The following HIF1A variants were observed in gnomAD, a reference collection of about 807,000 sequenced individuals.
The protein encoded by HIF1A is hypoxia inducible factor 1 subunit alpha, also known as hypoxia-inducible factor 1-alpha.
A neutral mutation model predicts 92.7 loss-of-function variants in HIF1A; 24 were observed. That is an observed-to-expected ratio of 0.26 (90% CI 0.19 to 0.36). The LOEUF (loss-of-function observed/expected upper bound fraction) is 0.36. Among genes scored for constraint, HIF1A ranks in the 10% least tolerant of loss-of-function variants. HIF1A has a pLI of 1.00. For synonymous variants in HIF1A, 319 were observed against 338.7 expected, an observed-to-expected ratio of 0.94 and a Z score of 0.64; for missense variants, 799 against 998.5, an observed-to-expected ratio of 0.80 and a Z score of 2.69.
At chr14:61,715,265 A>G (rs2044351271) in intron 1 of HIF1A, among the ~76,000 whole-genome samples, 1 of 152,194 alleles carries the variant, frequency 6.6e-6, no homozygotes, top group Non-Finnish European at 1.5e-5. Context: ...ATCTATTACC[A>G]TTGTAGGTGC....
At chr14:61,720,301 A>C (rs1189376454) in intron 1 of HIF1A, 81 bp from the exon 2 acceptor site, 1 of 956,322 alleles carries the variant, frequency 1.0e-6, no homozygotes, top group Non-Finnish European at 1.6e-6. Flanking sequence ...GATAAGCAGA[A>C]ATGTAAAGTT....
In HIF1A at chr14:61,741,026, C is replaced by T. The variant is rs1178858567; in HGVS notation, c.1931C>T (p.Pro644Leu). Residue 644 changes from proline to leucine, a missense_variant, in exon 12 of 15, where the codon CCT becomes CTT. By Grantham distance (98) the Pro-to-Leu change is moderately conservative. Transcript: ENST00000337138. ...AAAATATTGATTGCATCTCCATCTC[C>T]TACCCACATACATAAAGAAACTACT... is the stretch of plus-strand genomic sequence containing the variant. ...DIKILIASPSPTHIHKETTSA... is the reference protein window; with the variant it reads ...DIKILIASPSLTHIHKETTSA... The T allele has an allele frequency of 3.1e-6, 5 of 1,614,122 alleles. No individual in the cohort carries two copies. In the South Asian group the frequency reaches 4.4e-5, roughly 14 times the overall value.
At chr14:61,741,293 T>C (rs1244158321) in intron 12 of HIF1A, 105 bp downstream of exon 12, 6 of 698,934 alleles carry the variant, frequency 8.6e-6, no homozygotes, top group South Asian at 2.2e-5. Flanking sequence ...CTGATATATA[T>C]GCCCTAACGC....
At chr14:61,730,772 G>A (rs2140146115) in intron 6 of HIF1A, among the ~76,000 whole-genome samples, 2 of 152,242 alleles carry the variant, frequency 1.3e-5, no homozygotes, top group South Asian at 4.1e-4. Context: ...GCATTTTCAT[G>A]CCTAGAATAA....
intron 1 of HIF1A, among the ~76,000 whole-genome samples, chr14:61,716,628 C>G (rs1272186755): frequency 2.0e-5 from 3 of 152,046 alleles, no homozygotes; most frequent in Non-Finnish European, 2.9e-5. Flanking sequence ...TGACCTACTA[C>G]AAAGCACTAA....
chr14:61,697,874 G>T, intron 1 of HIF1A: 1 of 1,517,444 alleles, frequency 6.6e-7, no homozygotes, highest in Admixed American at 2.1e-5. Context: ...GTCGGAGTTT[G>T]GAAAACAAAT....
intron 1 of HIF1A, among the ~76,000 whole-genome samples, chr14:61,719,105 AAGG>A (rs749335366): frequency 2.0e-5 from 3 of 152,166 alleles, no homozygotes; most frequent in East Asian, 1.9e-4. Context: ...GATCATTTGG[AAGG>A]AGGAGAGATT....
chr14:61,712,279 GTTTGAAGTGTTT>G (rs1291763043), intron 1 of HIF1A, among the ~76,000 whole-genome samples: 2 of 152,024 alleles, frequency 1.3e-5, no homozygotes, highest in Non-Finnish European at 2.9e-5. Flanking sequence ...GAGGCAATGT[GTTTGAAGTGTTT>G]TAAGAACAGT....
At chr14:61,729,767 C>T (rs2044552528) in intron 6 of HIF1A, among the ~76,000 whole-genome samples, 1 of 152,010 alleles carries the variant, frequency 6.6e-6, no homozygotes, top group Non-Finnish European at 1.5e-5. Flanking sequence ...AAGGGAGTGA[C>T]ATTCCCCTCT....
In HIF1A at chr14:61,741,013, G is replaced by C. The variant is rs200756402; in HGVS notation, c.1918G>C (p.Ala640Pro). Residue 640 changes from alanine to proline, a missense_variant, in exon 12 of 15, where the codon GCA (alanine) becomes CCA (proline). Physicochemically the swap from Ala to Pro is conservative, Grantham distance 27 (BLOSUM62 -1). Coordinates refer to ENST00000337138, the MANE Select transcript of HIF1A (RefSeq NM_001530.4). ...TATGGAAGACATTAAAATATTGATTGCATCTCCATCTCCTACCCACATACA... is the reference window on the plus strand; with the variant it reads ...TATGGAAGACATTAAAATATTGATTCCATCTCCATCTCCTACCCACATACA... The part of the protein sequence containing the change: ...DRMEDIKILI[A>P]SPSPTHIHKE... 311 of 1,613,930 alleles carry C rather than the reference G, an allele frequency of 1.9e-4. No homozygotes were observed. The highest frequency in any genetic ancestry group is 2.5e-4 in the Non-Finnish European group (292 of 1,179,938).
intron 9 of HIF1A, among the ~76,000 whole-genome samples, chr14:61,737,828 A>G (rs1594884120): frequency 6.6e-6 from 1 of 152,090 alleles, no homozygotes; most frequent in Non-Finnish European, 1.5e-5. Context: ...GGAGTTCGAG[A>G]CCAGCCTGGC....
intron 1 of HIF1A, among the ~76,000 whole-genome samples, chr14:61,719,375 G>C (rs1258587093): frequency 6.6e-6 from 1 of 152,120 alleles, no homozygotes; most frequent in Non-Finnish European, 1.5e-5. Flanking sequence ...TAAAACACCT[G>C]GGTTCAAATC....
chr14:61,696,443 G>A (rs2044117463), intron 1 of HIF1A, among the ~76,000 whole-genome samples: 1 of 152,224 alleles, frequency 6.6e-6, no homozygotes, highest in Admixed American at 6.5e-5. Flanking sequence ...TGTGCATTAG[G>A]GATTTGCCGC....
At chr14:61,696,782 CTG>C (rs746877370) in intron 1 of HIF1A, among the ~76,000 whole-genome samples, 10 of 152,272 alleles carry the variant, frequency 6.6e-5, no homozygotes, top group Middle Eastern at 3.4e-3. Flanking sequence ...TTTTCGAACT[CTG>C]TCTCATTTTC....
intron 1 of HIF1A, among the ~76,000 whole-genome samples, chr14:61,704,838 G>C (rs1235705065): frequency 1.3e-5 from 2 of 152,160 alleles, no homozygotes; most frequent in African/African-American, 4.8e-5. Context: ...TTGAATCGTT[G>C]ATGGCTTAGG....
chr14:61,737,193 G>A lies in HIF1A; in HGVS notation c.1249+84G>A, dbSNP rs370152051. On this transcript the variant is annotated intron_variant, in intron 9 of 14. Transcript: ENST00000337138. ...AACTAAACATTACTTTACGGTTTTT[G>A]TTGGTAATCATTTGGACATTACAAG... 2.1e-5 allele frequency: 19 copies of A among 912,950 alleles called. No individual in the cohort carries two copies. The East Asian group carries it at 4.0e-4, about 19-fold the overall frequency. The allele number at this position is 912,950 out of a possible 1,614,324, so 56.6% of individuals were successfully genotyped here. A position where few individuals can be genotyped will look rare whatever the true frequency, so the allele number is the denominator to read the frequency against.
At position 61,726,838 on chromosome 14, in the gene HIF1A, G is replaced by A; in HGVS notation, c.570+20G>A. ...TGGAAGGTAAGTGAAAATTATTTGT[G>A]ATTGATTATACACTTTATTTATACA... On this transcript the variant is annotated intron_variant, in intron 5 of 14. Transcript: ENST00000337138. The A allele has an allele frequency of 1.5e-6, 2 of 1,349,074 alleles. No individual in the cohort carries two copies. Among genetic ancestry groups the A allele is most frequent in the Non-Finnish European group, 2.1e-6 (2 of 951,574 alleles). The allele number at this position is 1,349,074 out of a possible 1,614,324, so 83.6% of individuals were successfully genotyped here. A position where few individuals can be genotyped will look rare whatever the true frequency, so the allele number is the denominator to read the frequency against.
Position 61,721,538 on chromosome 14 carries a change from G to A in HIF1A, c.256G>A (p.Ala86Thr), listed in dbSNP as rs755629700. 6.2e-7 allele frequency: 1 copy of A among 1,613,162 alleles called. No homozygotes were observed. The highest frequency in any genetic ancestry group is 1.7e-5 in the Admixed American group (1 of 59,998). Reference sequence around the variant, plus strand: ...TTTGGATATTGAAGATGACATGAAAGCACAGATGAATTGCTTTTATTTGAA... The same window carrying A: ...TTTGGATATTGAAGATGACATGAAAACACAGATGAATTGCTTTTATTTGAA... Reference protein sequence around the residue: ...GDLDIEDDMKAQMNCFYLKAL... With the variant: ...GDLDIEDDMKTQMNCFYLKAL... The change falls in exon 3 of 15, where the codon GCA (alanine) becomes ACA (threonine). Residue 86 changes from alanine to threonine, a missense_variant. Physicochemically the swap from Ala to Thr is moderately conservative, Grantham distance 58. This residue lies in a region of HIF1A where 516 missense variants were observed against 721.0 expected (regional missense o/e 0.72). Transcript: ENST00000337138.
intron 1 of HIF1A, chr14:61,697,921 C>T (rs774960388): frequency 4.6e-6 from 7 of 1,520,692 alleles, no homozygotes; most frequent in Non-Finnish European, 6.1e-6. Context: ...AACTCAAAAC[C>T]TGAAGAATTG....
Sources: allele counts gnomAD v4.1 joint callset (sites outside exome capture counted in the v4.1 genomes callset), GRCh38; gene constraint gnomAD v4.1.1; regional missense constraint gnomAD v4.1.1; transcripts MANE v1.5; gene names NCBI Gene and HGNC (gene_info 2026-07-23, HGNC 2026-07-21).